CTNNA2: variants seen among roughly 807,000 people sequenced by gnomAD.
CTNNA2 encodes catenin alpha 2.
A neutral mutation model predicts 101.0 loss-of-function variants in CTNNA2; 42 were observed. The ratio of observed to expected loss-of-function variants is 0.42; its 90% CI spans 0.32 to 0.54. The LOEUF (loss-of-function observed/expected upper bound fraction) is 0.54. CTNNA2 is among the 20% of genes least tolerant of loss of function. CTNNA2 has a pLI of 0.14. For synonymous variants in CTNNA2, 450 were observed against 456.4 expected (o/e 0.99, Z 0.18); for missense variants, 871 against 1,223.1 (o/e 0.71, Z 4.29).
intron 7 of CTNNA2, among the ~76,000 whole-genome samples, chr2:80,319,577 A>C (rs1481864293): frequency 6.6e-6 from 1 of 152,218 alleles, no homozygotes; most frequent in Non-Finnish European, 1.5e-5. Flanking sequence ...TTTCTCTTTC[A>C]GAATCTCTAA....
At chr2:79,199,729 A>T (rs6721531) in intron 2 of CTNNA2, among the ~76,000 whole-genome samples, 55,116 of 151,914 alleles carry the variant, frequency 0.36, 10,539 homozygotes, top group Middle Eastern at 0.47. Flanking sequence ...TAGTCCAAGA[A>T]CAAGGTGCCA....
At chr2:79,555,941 G>T (rs1322153007) in intron 1 of CTNNA2, among the ~76,000 whole-genome samples, 2 of 151,796 alleles carry the variant, frequency 1.3e-5, no homozygotes, top group Non-Finnish European at 2.9e-5. Context: ...ATACCTTTTT[G>T]GTTCTATAAA....
intron 1 of CTNNA2, among the ~76,000 whole-genome samples, chr2:79,630,770 G>T (rs1338752710): frequency 6.6e-6 from 1 of 152,156 alleles, no homozygotes; most frequent in South Asian, 2.1e-4. Context: ...TGACGTAGGA[G>T]CCATCAATTC....
intron 2 of CTNNA2, among the ~76,000 whole-genome samples, chr2:79,668,496 T>C (rs1682603315): frequency 6.6e-6 from 1 of 152,216 alleles, no homozygotes; most frequent in Non-Finnish European, 1.5e-5. Context: ...AAGTTTCTCA[T>C]TAATGTTCAG....
intron 4 of CTNNA2, among the ~76,000 whole-genome samples, chr2:79,443,165 AATTCTG>A (rs1444396647): frequency 2.0e-5 from 3 of 152,184 alleles, no homozygotes; most frequent in Non-Finnish European, 4.4e-5. Context: ...TATCGTGAAG[AATTCTG>A]ACAAAATTAT....
At chr2:80,548,528 T>C (rs564121529) in intron 11 of CTNNA2, among the ~76,000 whole-genome samples, 4 of 152,254 alleles carry the variant, frequency 2.6e-5, no homozygotes, top group East Asian at 3.9e-4. Context: ...TGCATCTCAT[T>C]ATTACCAGCA....
At chr2:80,242,978 A>T (rs1297881223) in intron 7 of CTNNA2, among the ~76,000 whole-genome samples, 1 of 152,166 alleles carries the variant, frequency 6.6e-6, no homozygotes, top group East Asian at 1.9e-4. Context: ...TGCAAAACAG[A>T]AGTCATTTGA....
At chr2:79,982,230 A>ATATATATATG (rs1691354628) in intron 7 of CTNNA2, among the ~76,000 whole-genome samples, 1 of 96,444 alleles carries the variant, frequency 1.0e-5, no homozygotes, top group East Asian at 3.7e-4. Context: ...ATATATATAT[A>ATATATATATG]TATATATATA....
At chr2:79,236,139 G>T (rs1674554778) in intron 2 of CTNNA2, among the ~76,000 whole-genome samples, 1 of 152,164 alleles carries the variant, frequency 6.6e-6, no homozygotes, top group African/African-American at 2.4e-5. Context: ...GGTGTGGCCT[G>T]CCTGCTTATG....
chr2:79,350,560 A>G (rs957862023), intron 3 of CTNNA2, among the ~76,000 whole-genome samples: 2 of 152,124 alleles, frequency 1.3e-5, no homozygotes, highest in Admixed American at 6.6e-5. Context: ...GGTTGATTCT[A>G]TGACTTTGAT....
intron 1 of CTNNA2, among the ~76,000 whole-genome samples, chr2:79,645,017 C>G (rs1262345057): frequency 1.3e-5 from 2 of 151,778 alleles, no homozygotes; most frequent in Non-Finnish European, 2.9e-5. Flanking sequence ...AGGTTTTACT[C>G]TAACATCCAG....
intron 7 of CTNNA2, among the ~76,000 whole-genome samples, chr2:80,203,455 G>A (rs781623786): frequency 1.4e-4 from 22 of 152,198 alleles, no homozygotes; most frequent in African/African-American, 4.1e-4. Flanking sequence ...AAACAATGGG[G>A]CCACAGGCCC....
intron 4 of CTNNA2, among the ~76,000 whole-genome samples, chr2:79,489,682 C>T (rs1671190955): frequency 2.0e-5 from 3 of 152,128 alleles, no homozygotes; most frequent in African/African-American, 7.2e-5. Flanking sequence ...TATTCTATTG[C>T]ATGAATGAAA....
At chr2:80,565,447 CA>C in intron 12 of CTNNA2, among the ~76,000 whole-genome samples, 1 of 151,812 alleles carries the variant, frequency 6.6e-6, no homozygotes, top group South Asian at 2.1e-4. Context: ...GCTCAGTTTG[CA>C]AAACAAATTG....
At chr2:80,326,969 T>A (rs1573727445) in intron 7 of CTNNA2, among the ~76,000 whole-genome samples, 1 of 152,236 alleles carries the variant, frequency 6.6e-6, no homozygotes, top group East Asian at 1.9e-4. Flanking sequence ...AGAAACCTGG[T>A]TTCTCTCTCT....
intron 7 of CTNNA2, among the ~76,000 whole-genome samples, chr2:80,177,729 T>G (rs1362526680): frequency 2.0e-5 from 3 of 152,214 alleles, no homozygotes; most frequent in Non-Finnish European, 4.4e-5. Flanking sequence ...TTCACAGTTT[T>G]TGACCACTCA....
At chr2:80,093,219 T>C (rs1248254413) in intron 7 of CTNNA2, among the ~76,000 whole-genome samples, 1 of 152,118 alleles carries the variant, frequency 6.6e-6, no homozygotes. Flanking sequence ...GTGTTCTCAT[T>C]GTTCAATTCC....
At chr2:79,893,224 C>T (rs558750014) in intron 6 of CTNNA2, among the ~76,000 whole-genome samples, 2 of 152,086 alleles carry the variant, frequency 1.3e-5, no homozygotes, top group African/African-American at 4.8e-5. Flanking sequence ...TCCTTCAGCC[C>T]GTTTTCTCAC....
chr2:80,194,674 G>A (rs549780554), intron 7 of CTNNA2, among the ~76,000 whole-genome samples: 1 of 151,204 alleles, frequency 6.6e-6, no homozygotes, highest in East Asian at 1.9e-4. Flanking sequence ...CCCTTGAGGA[G>A]ACAGGCGATT....
Sources: gnomAD v4.1 joint callset for allele counts (sites outside exome capture counted in the v4.1 genomes callset) on GRCh38, gnomAD v4.1.1 for gene constraint, MANE v1.5 for transcripts, NCBI Gene and HGNC (gene_info 2026-07-23, HGNC 2026-07-21) for gene names.